The following CADM3 variants were observed in gnomAD, a reference collection of about 807,000 sequenced individuals.
CADM3 encodes cell adhesion molecule 3.
Under a neutral mutation model 44.9 loss-of-function variants are expected in CADM3, and 11 were observed. The ratio of observed to expected loss-of-function variants is 0.25; its 90% confidence interval spans 0.15 to 0.41. The LOEUF (loss-of-function observed/expected upper bound fraction) is 0.41, where lower values mean the gene tolerates loss of function less well. Ranked by LOEUF, CADM3 falls within the 10% of genes least tolerant of loss-of-function variation. CADM3 has a pLI of 1.00. For synonymous variants in CADM3, 207 were observed against 205.2 expected (o/e 1.01, Z -0.08); for missense variants, 426 against 512.0 (o/e 0.83, Z 1.62).
Position 159,201,638 on chromosome 1 carries a change from A to C in CADM3, c.*716A>C, listed in dbSNP as rs1028326090. ...CGCGGGTCCCTGCAAGGAAGAGTAG[A>C]TTTGGAGAGGAAGGATGGAGGTGGA... On this transcript the variant is annotated 3_prime_UTR_variant, in exon 9 of 9. Transcript: ENST00000368125. The C allele has an allele frequency of 1.3e-5, 2 of 152,318 alleles. No individual in the cohort carries two copies. Among genetic ancestry groups the C allele is most frequent in the East Asian group, 3.9e-4 (2 of 5,190 alleles). 9.4% of individuals were successfully genotyped at this position (152,318 alleles called of 1,614,324 possible).
chr1:159,173,609 C>G (rs938955806), intron 1 of CADM3, among the ~76,000 whole-genome samples: 2 of 152,150 alleles, frequency 1.3e-5, no homozygotes, highest in Admixed American at 1.3e-4. Context: ...GCTAAGTGCA[C>G]GACAGAGAGG....
intron 1 of CADM3, among the ~76,000 whole-genome samples, chr1:159,182,315 C>T (rs1411021151): frequency 6.6e-6 from 1 of 152,208 alleles, no homozygotes; most frequent in Non-Finnish European, 1.5e-5. Context: ...TTAAGGTCCA[C>T]GGTCCTGGAG....
chr1:159,199,694 T>G, intron 7 of CADM3, 57 bp from the exon 8 acceptor site: 1 of 1,612,244 alleles, frequency 6.2e-7, no homozygotes, highest in Non-Finnish European at 8.5e-7. Flanking sequence ...CAAGTTGGAA[T>G]GCTATAAGAT....
chr1:159,197,395 C>T (rs1307544215), intron 7 of CADM3: 4 of 220,978 alleles, frequency 1.8e-5, no homozygotes, highest in Middle Eastern at 3.1e-3. Context: ...CAAGTGCAGG[C>T]GCAGGTGCAT....
intron 1 of CADM3, among the ~76,000 whole-genome samples, chr1:159,183,971 G>A (rs1307317210): frequency 2.0e-5 from 3 of 152,166 alleles, no homozygotes; most frequent in East Asian, 1.9e-4. Flanking sequence ...TCTGACCAGC[G>A]TTTTGTGCTC....
chr1:159,181,412 A>G (rs2102101742), intron 1 of CADM3, among the ~76,000 whole-genome samples: 1 of 152,316 alleles, frequency 6.6e-6, no homozygotes, highest in East Asian at 1.9e-4. Context: ...AGACACTCCT[A>G]AAATGGCTCA....
In CADM3 at chr1:159,200,286, C is replaced by T. The variant is rs909807914; in HGVS notation, c.1078+410C>T. ...TGATCTCATTGCCTTTCTTTCCTCT[C>T]CCCCTTTTCTACCTTCTCTCTTATA... is the stretch of plus-strand genomic sequence containing the variant. On this transcript the variant is annotated intron_variant, in intron 8 of 8. Coordinates refer to ENST00000368125, the MANE Select transcript of CADM3 (RefSeq NM_001127173.3). 2.6e-5 allele frequency among the ~76,000 whole-genome samples: 4 copies of T among 152,236 alleles called. No individual in the cohort carries two copies. The East Asian group carries it at 7.7e-4, about 29-fold the overall frequency.
chr1:159,196,256 T>G, intron 5 of CADM3, 108 bp from the exon 6 acceptor site: 1 of 789,070 alleles, frequency 1.3e-6, no homozygotes, highest in Non-Finnish European at 2.1e-6. Flanking sequence ...GTTGCACTTC[T>G]TGAGCTGCGG....
intron 3 of CADM3, 86 bp downstream of exon 3, chr1:159,192,816 C>T (rs967995441): frequency 2.2e-6 from 3 of 1,392,250 alleles, no homozygotes; most frequent in Middle Eastern, 2.6e-4. Flanking sequence ...AGCTGGGAGC[C>T]AGGCAAGTCT....
chr1:159,202,086 C>T lies in CADM3; in HGVS notation c.*1164C>T. On this transcript the variant is annotated 3_prime_UTR_variant, in exon 9 of 9. Coordinates refer to ENST00000368125, the MANE Select transcript of CADM3 (RefSeq NM_001127173.3). Reference sequence around the variant, plus strand: ...TGTGTGTGGTGTGTATGCATGTGTGCATGTGTGTGTGTGTGTGTGCATGTG... The same window carrying T: ...TGTGTGTGGTGTGTATGCATGTGTGTATGTGTGTGTGTGTGTGTGCATGTG... 1 of 142,390 alleles carries T rather than the reference C, an allele frequency of 7.0e-6. No homozygotes were observed. The highest frequency in any genetic ancestry group is 1.5e-5 in the Non-Finnish European group (1 of 68,240). The allele number at this position is 142,390 out of a possible 1,614,324, so 8.8% of individuals were successfully genotyped here.
At chr1:159,174,864 G>GGCTCT (rs1233090499) in intron 1 of CADM3, among the ~76,000 whole-genome samples, 1 of 152,104 alleles carries the variant, frequency 6.6e-6, no homozygotes, top group Non-Finnish European at 1.5e-5. Context: ...AGCTTTCTTG[G>GGCTCT]GCTCTTCCTT....
chr1:159,175,242 T>C (rs550462303), intron 1 of CADM3, among the ~76,000 whole-genome samples: 2 of 152,352 alleles, frequency 1.3e-5, no homozygotes, highest in East Asian at 3.9e-4. Flanking sequence ...GGGAAGGATA[T>C]GCTCTCCTTT....
At chr1:159,175,447 A>T (rs573581483) in intron 1 of CADM3, among the ~76,000 whole-genome samples, 1 of 152,334 alleles carries the variant, frequency 6.6e-6, no homozygotes, top group South Asian at 2.1e-4. Flanking sequence ...TGTTAGTTTT[A>T]ATAGTTTCCT....
intron 1 of CADM3, among the ~76,000 whole-genome samples, chr1:159,179,507 T>C (rs965417201): frequency 1.3e-5 from 2 of 152,218 alleles, no homozygotes; most frequent in African/African-American, 4.8e-5. Flanking sequence ...GGCACTCATC[T>C]GTAGGCTAGC....
At chr1:159,173,001 C>T (rs1247795462) in intron 1 of CADM3, among the ~76,000 whole-genome samples, 1 of 152,086 alleles carries the variant, frequency 6.6e-6, no homozygotes, top group Non-Finnish European at 1.5e-5. Context: ...ATGCATCCTC[C>T]TCCCCCCACC....
intron 1 of CADM3, among the ~76,000 whole-genome samples, chr1:159,190,815 A>G (rs1649625897): frequency 6.6e-6 from 1 of 152,256 alleles, no homozygotes; most frequent in Admixed American, 6.5e-5. Flanking sequence ...AGGGGAATGT[A>G]GGAAATAAGT....
At chr1:159,189,890 C>G in intron 1 of CADM3, 1 of 1,556,074 alleles carries the variant, frequency 6.4e-7, no homozygotes. Context: ...TCCAGGCCCC[C>G]TCATCTCAAT....
intron 1 of CADM3, among the ~76,000 whole-genome samples, chr1:159,180,031 C>A (rs975780631): frequency 7.9e-5 from 12 of 152,302 alleles, no homozygotes; most frequent in Non-Finnish European, 8.8e-5. Context: ...CAACTCTTTT[C>A]TGGTTTCCAA....
At chr1:159,188,723 G>T (rs1330071447) in intron 1 of CADM3, among the ~76,000 whole-genome samples, 1 of 152,192 alleles carries the variant, frequency 6.6e-6, no homozygotes, top group Non-Finnish European at 1.5e-5. Flanking sequence ...TTCAGGTTGG[G>T]CTAGGGACTT....
Sources: allele counts gnomAD v4.1 joint callset (sites outside exome capture counted in the v4.1 genomes callset), GRCh38; gene constraint gnomAD v4.1.1; transcripts MANE v1.5; gene names NCBI Gene and HGNC (gene_info 2026-07-23, HGNC 2026-07-21).